ADAMTS6: variants seen among roughly 807,000 people sequenced by gnomAD.
ADAMTS6 encodes ADAM metallopeptidase with thrombospondin type 1 motif 6.
Under a neutral mutation model 144.3 loss-of-function variants are expected in ADAMTS6, and 23 were observed. The observed-to-expected ratio is 0.16, with a 90% CI of 0.11 to 0.23. The LOEUF is 0.23. Ranked by LOEUF, ADAMTS6 falls within the 10% of genes least tolerant of loss-of-function variation. ADAMTS6 has a pLI of 1.00. For missense variants in ADAMTS6, 999 were observed against 1,379.6 expected (o/e 0.72, Z 4.37); for synonymous variants, 444 against 457.5 (o/e 0.97, Z 0.38).
At chr5:65,469,780 G>T (rs567967885) in intron 3 of ADAMTS6, among the ~76,000 whole-genome samples, 3 of 152,048 alleles carry the variant, frequency 2.0e-5, no homozygotes, top group African/African-American at 7.2e-5. Context: ...AACCCAACTC[G>T]AATTATAGTT....
At chr5:65,324,439 T>C (rs1745969968) in intron 9 of ADAMTS6, among the ~76,000 whole-genome samples, 1 of 152,092 alleles carries the variant, frequency 6.6e-6, no homozygotes, top group East Asian at 1.9e-4. Context: ...TTCATCAAAA[T>C]TTTAAGTTTC....
At chr5:65,420,791 G>T (rs1387578634) in intron 7 of ADAMTS6, among the ~76,000 whole-genome samples, 1 of 150,218 alleles carries the variant, frequency 6.7e-6, no homozygotes, top group Non-Finnish European at 1.5e-5. Context: ...GAGTCAAATG[G>T]TAAAGTATTT....
intron 20 of ADAMTS6, among the ~76,000 whole-genome samples, chr5:65,206,041 C>T (rs1756063678): frequency 6.6e-6 from 1 of 152,160 alleles, no homozygotes; most frequent in Non-Finnish European, 1.5e-5. Context: ...ATTTTCTCTT[C>T]TGAAATGAAA....
chr5:65,210,351 T>C (rs1756425316), intron 20 of ADAMTS6: 1 of 159,680 alleles, frequency 6.3e-6, no homozygotes, highest in East Asian at 1.9e-4. Flanking sequence ...CACGGGAGGC[T>C]GAGGCAGGAG....
chr5:65,208,631 A>C (rs2112292130), intron 20 of ADAMTS6, among the ~76,000 whole-genome samples: 1 of 152,270 alleles, frequency 6.6e-6, no homozygotes, highest in South Asian at 2.1e-4. Context: ...TCTACCTATA[A>C]ATTATGACTA....
chr5:65,216,316 G>C (rs1176924598), intron 18 of ADAMTS6, among the ~76,000 whole-genome samples: 2 of 151,676 alleles, frequency 1.3e-5, no homozygotes, highest in African/African-American at 2.4e-5. Context: ...ACATTAAATG[G>C]AAGAGACCAG....
chr5:65,457,468 T>C (rs1284469351), intron 4 of ADAMTS6, among the ~76,000 whole-genome samples: 1 of 152,172 alleles, frequency 6.6e-6, no homozygotes, highest in Non-Finnish European at 1.5e-5. Flanking sequence ...GCCATAAGAA[T>C]GGATTGGAGA....
intron 7 of ADAMTS6, among the ~76,000 whole-genome samples, chr5:65,363,655 G>T (rs1750035141): frequency 6.6e-6 from 1 of 152,082 alleles, no homozygotes; most frequent in Non-Finnish European, 1.5e-5. Context: ...CTAAAATGGG[G>T]TTATGCATAA....
rs187786954 is a variant in ADAMTS6 at position 65,238,175 on chromosome 5, C to T, written c.1933+3929G>A. On this transcript the variant is annotated intron_variant, in intron 15 of 24. Transcript: ENST00000381055. ...TAAAGAATAAAAAATACAATCAATACATGTACAAATTATACTCTAGGCCCA... is the reference window on the plus strand; with the variant it reads ...TAAAGAATAAAAAATACAATCAATATATGTACAAATTATACTCTAGGCCCA... 2.4e-4 allele frequency among the ~76,000 whole-genome samples: 36 copies of T among 152,074 alleles called. No individual in the cohort carries two copies. The East Asian group carries it at 5.8e-3, about 24-fold the overall frequency.
chr5:65,426,448 TAGG>T (rs1266877740), intron 7 of ADAMTS6, among the ~76,000 whole-genome samples: 1 of 151,832 alleles, frequency 6.6e-6, no homozygotes, highest in Non-Finnish European at 1.5e-5. Flanking sequence ...TTATTTTACA[TAGG>T]GGAACTGGAC....
intron 10 of ADAMTS6, among the ~76,000 whole-genome samples, chr5:65,299,648 T>G (rs1743176147): frequency 6.6e-6 from 1 of 152,068 alleles, no homozygotes; most frequent in African/African-American, 2.4e-5. Flanking sequence ...ACTGACAAAA[T>G]AAAATATGTA....
At chr5:65,220,501 T>C (rs1006655966) in intron 18 of ADAMTS6, among the ~76,000 whole-genome samples, 18 of 152,006 alleles carry the variant, frequency 1.2e-4, no homozygotes, top group African/African-American at 3.9e-4. Flanking sequence ...TCCCAGCACT[T>C]TGGGAGGCCG....
At position 65,452,748 on chromosome 5, in the gene ADAMTS6, G is replaced by A. The variant is rs766676429; in HGVS notation, c.802C>T (p.Arg268Cys). 1.9e-6 allele frequency: 3 copies of A among 1,613,840 alleles called. No homozygotes were observed. The highest frequency in any genetic ancestry group is 1.7e-6 in the Non-Finnish European group (2 of 1,179,936). The change falls in exon 5 of 25, where the codon CGC (arginine) becomes TGC (cysteine). Residue 268 changes from arginine to cysteine, a missense_variant. Coordinates refer to ENST00000381055, the MANE Select transcript of ADAMTS6 (RefSeq NM_197941.4). ...AAAATGTAATGTTCAATGTCTTTGC[G>A]GCCATGGTAGCCCACCATCATTTTG... is the stretch of plus-strand genomic sequence containing the variant. Reference protein sequence around the residue: ...ADKMMVGYHGRKDIEHYILSV... With the variant: ...ADKMMVGYHGCKDIEHYILSV...
chr5:65,471,736 C>T (rs1472650607), intron 2 of ADAMTS6, among the ~76,000 whole-genome samples: 1 of 150,140 alleles, frequency 6.7e-6, no homozygotes, highest in Non-Finnish European at 1.5e-5. Flanking sequence ...CCAGCCTGGG[C>T]GACAGAGCAA....
At chr5:65,262,361 T>C (rs1420209127) in intron 13 of ADAMTS6, among the ~76,000 whole-genome samples, 2 of 152,228 alleles carry the variant, frequency 1.3e-5, no homozygotes, top group African/African-American at 4.8e-5. Flanking sequence ...TTGTGATTTG[T>C]GATGCGAATC....
chr5:65,396,224 GAATA>G (rs1753320612), intron 7 of ADAMTS6, among the ~76,000 whole-genome samples: 1 of 152,122 alleles, frequency 6.6e-6, no homozygotes, highest in South Asian at 2.1e-4. Context: ...GGGAGAAATT[GAATA>G]AATAGTCCAA....
chr5:65,341,729 C>A (rs904827155), intron 7 of ADAMTS6, among the ~76,000 whole-genome samples: 1 of 152,092 alleles, frequency 6.6e-6, no homozygotes, highest in African/African-American at 2.4e-5. Flanking sequence ...AAGTCCAAGA[C>A]CAGGTGACTT....
Position 65,214,673 on chromosome 5 carries a change from C to CT in ADAMTS6, c.2575+120dup. On this transcript the variant is annotated intron_variant, in intron 20 of 24. Transcript: ENST00000381055. The surrounding 1 kb of genome is among the most constrained non-coding windows in gnomAD (Gnocchi z 4.6). ...CAAAGTTTCTTTTGCTAAATTACAG[C>CT]TTGAAGCAAACCTGCAAGAAATGTT... 6.9e-7 allele frequency: 1 copy of CT among 1,457,266 alleles called. No homozygotes were observed. The highest frequency in any genetic ancestry group is 1.2e-5 in the South Asian group (1 of 85,450). The allele number at this position is 1,457,266 out of a possible 1,614,324, so 90.3% of individuals were successfully genotyped here. A position where few individuals can be genotyped will look rare whatever the true frequency, so the allele number is the denominator to read the frequency against.
intron 11 of ADAMTS6, among the ~76,000 whole-genome samples, chr5:65,278,822 T>C (rs1284340334): frequency 6.6e-6 from 1 of 152,232 alleles, no homozygotes; most frequent in Non-Finnish European, 1.5e-5. Context: ...AAATTGAATA[T>C]ACTAGGCTGA....
Sources: allele counts gnomAD v4.1 joint callset (sites outside exome capture counted in the v4.1 genomes callset), GRCh38; gene constraint gnomAD v4.1.1; non-coding constraint Gnocchi (gnomAD v3.1); transcripts MANE v1.5; gene names NCBI Gene and HGNC (gene_info 2026-07-23, HGNC 2026-07-21).